Variants in EPS8 observed in about 807,000 individuals in gnomAD.
The protein encoded by EPS8 is EGFR pathway substrate 8, signaling adaptor.
In EPS8, 42 loss-of-function variants were observed where a neutral mutation model predicts 103.8. That is an observed-to-expected ratio of 0.40 (90% CI 0.32 to 0.52). The LOEUF (loss-of-function observed/expected upper bound fraction) is 0.52, where lower values mean the gene tolerates loss of function less well. Among genes scored for constraint, EPS8 ranks in the 20% least tolerant of loss-of-function variants. EPS8 has a pLI of 0.40. For missense variants in EPS8, 969 were observed against 1,005.1 expected, an observed-to-expected ratio of 0.96 and a Z score of 0.49; for synonymous variants, 344 against 344.6, an observed-to-expected ratio of 1.00 and a Z score of 0.02.
rs972269990 is a variant in EPS8 at position 15,728,722 on chromosome 12, A to G, written c.-21-45750T>C. On this transcript the variant is annotated intron_variant, in intron 1 of 20. Coordinates refer to ENST00000281172, the MANE Select transcript of EPS8 (RefSeq NM_004447.6). The surrounding 1 kb of genome is among the most constrained non-coding windows in gnomAD (Gnocchi z 4.5). Reference sequence around the variant, plus strand: ...CAACACTCCATTCCTGAGACTTTCAATAAGTTTAAACTGAAAATGTTTGTT... The same window carrying G: ...CAACACTCCATTCCTGAGACTTTCAGTAAGTTTAAACTGAAAATGTTTGTT... 1.3e-4 allele frequency among the ~76,000 whole-genome samples: 20 copies of G among 152,202 alleles called. No individual in the cohort carries two copies. The highest frequency in any genetic ancestry group is 4.6e-4 in the African/African-American group (19 of 41,458).
intron 8 of EPS8, chr12:15,662,628 T>C: frequency 1.0e-6 from 1 of 985,290 alleles, no homozygotes; most frequent in Non-Finnish European, 1.2e-6. Flanking sequence ...TTAAGCTACA[T>C]GCTTTAAAAG....
chr12:15,675,811 T>C lies in EPS8; in HGVS notation c.137-4888A>G, dbSNP rs142509294. Among the ~76,000 whole-genome samples the C allele has an allele frequency of 1.9e-4, 29 of 152,364 alleles. No individual in the cohort carries two copies. The East Asian group carries it at 5.6e-3, about 29-fold the overall frequency. On this transcript the variant is annotated intron_variant, in intron 3 of 20. Transcript: ENST00000281172. Reference sequence around the variant, plus strand: ...TTTATGAAATGATCACATTCCAAATTAAGCAATATCTAATTTAAAGAGAAG... The same window carrying C: ...TTTATGAAATGATCACATTCCAAATCAAGCAATATCTAATTTAAAGAGAAG...
At position 15,665,818 on chromosome 12, in the gene EPS8, G is replaced by A. The variant is rs1169156719; in HGVS notation, c.674C>T (p.Thr225Ile). 1 of 1,613,798 alleles carries A rather than the reference G, an allele frequency of 6.2e-7. No homozygotes were observed. Among genetic ancestry groups the A allele is most frequent in the Non-Finnish European group, 8.5e-7 (1 of 1,179,948 alleles). ...APAPAPPGTV[T>I]QVDVRSRVAA... ...CACTCGACTTCTAACATCCACCTGG[G>A]TGACGGTCCCAGGGGGCGCAGGGGC... The change falls in exon 8 of 21, where the codon ACC becomes ATC. Residue 225 changes from threonine (T) to isoleucine (I), a missense_variant. Coordinates refer to ENST00000281172, the MANE Select transcript of EPS8 (RefSeq NM_004447.6).
Position 15,762,970 on chromosome 12 carries a change from G to A in EPS8, c.-22+26191C>T, listed in dbSNP as rs1366374225. Among the ~76,000 whole-genome samples, 1 of 152,128 alleles carries A rather than the reference G, an allele frequency of 6.6e-6. No homozygotes were observed. The highest frequency in any genetic ancestry group is 2.4e-5 in the African/African-American group (1 of 41,434). On this transcript the variant is annotated intron_variant, in intron 1 of 20. Coordinates refer to ENST00000281172, the MANE Select transcript of EPS8 (RefSeq NM_004447.6). This position sits in a 1 kb window ranked among gnomAD's most constrained non-coding sequence, Gnocchi z 4.8. ...TTTGTAACACAAAGGGTAAATGCTT[G>A]AGGAATAGATAGCCCATTTTCCATG...
rs997905351 is a variant in EPS8 at position 15,717,535 on chromosome 12, C to T, written c.-21-34563G>A. Among the ~76,000 whole-genome samples the T allele has an allele frequency of 1.9e-4, 29 of 151,810 alleles. No individual in the cohort carries two copies. Among genetic ancestry groups the T allele is most frequent in the African/African-American group, 4.8e-5 (2 of 41,268 alleles). Reference sequence around the variant, plus strand: ...CCCGGAGGCAGAGGTTGCAGTCAGCCGAGATCGTGCCATTGCACTCCAGCC... The same window carrying T: ...CCCGGAGGCAGAGGTTGCAGTCAGCTGAGATCGTGCCATTGCACTCCAGCC... On this transcript the variant is annotated intron_variant, in intron 1 of 20. Transcript: ENST00000281172. The surrounding 1 kb of genome is among the most constrained non-coding windows in gnomAD (Gnocchi z 4.3).
rs900064940 is a variant in EPS8, at chr12:15,761,686, A to G, written c.-22+27475T>C. Reference sequence around the variant, plus strand: ...GGTGCCAAGAACATACACTGGGGAAAAGACAGACTCTTCAATAAATGGCGC... The same window carrying G: ...GGTGCCAAGAACATACACTGGGGAAGAGACAGACTCTTCAATAAATGGCGC... On this transcript the variant is annotated intron_variant, in intron 1 of 20. Transcript: ENST00000281172. This position sits in a 1 kb window ranked among gnomAD's most constrained non-coding sequence, Gnocchi z 4.5. Among the ~76,000 whole-genome samples, 1 of 152,164 alleles carries G rather than the reference A, an allele frequency of 6.6e-6. No homozygotes were observed. The highest frequency in any genetic ancestry group is 2.4e-5 in the African/African-American group (1 of 41,452).
At chr12:15,774,889 C>T (rs1947192698) in intron 1 of EPS8, among the ~76,000 whole-genome samples, 1 of 151,722 alleles carries the variant, frequency 6.6e-6, no homozygotes. Context: ...TCCATGCATG[C>T]TTAGTATTTA....
At chr12:15,628,206 T>C (rs1944982799) in intron 18 of EPS8, among the ~76,000 whole-genome samples, 1 of 152,050 alleles carries the variant, frequency 6.6e-6, no homozygotes, top group Non-Finnish European at 1.5e-5. Context: ...AAAAAATCAC[T>C]ACAACAAACT....
chr12:15,667,143 A>G (rs1338421015), intron 6 of EPS8, among the ~76,000 whole-genome samples: 4 of 152,190 alleles, frequency 2.6e-5, no homozygotes. Context: ...GTTTGGTTGC[A>G]AAGTTTGTTT....
chr12:15,766,284 C>T (rs1277349648), intron 1 of EPS8, among the ~76,000 whole-genome samples: 1 of 150,890 alleles, frequency 6.6e-6, no homozygotes, highest in Non-Finnish European at 1.5e-5. Context: ...TTCAGACCAT[C>T]CTGGCCAACA....
Position 15,731,497 on chromosome 12 carries a change from C to T in EPS8, c.-21-48525G>A, listed in dbSNP as rs1005198710. On this transcript the variant is annotated intron_variant, in intron 1 of 20. Coordinates refer to ENST00000281172, the MANE Select transcript of EPS8 (RefSeq NM_004447.6). The surrounding 1 kb of genome is among the most constrained non-coding windows in gnomAD (Gnocchi z 5.1). ...ATTTTTAGTAGAAACGGGGTTTCACCGTGTAGGCCAGGCTGGTCTCGAACT... is the reference window on the plus strand; with the variant it reads ...ATTTTTAGTAGAAACGGGGTTTCACTGTGTAGGCCAGGCTGGTCTCGAACT... 9.9e-5 allele frequency among the ~76,000 whole-genome samples: 15 copies of T among 152,030 alleles called. No homozygotes were observed. Among genetic ancestry groups the T allele is most frequent in the African/African-American group, 2.7e-4 (11 of 41,404 alleles).
In EPS8 at chr12:15,647,192, T is replaced by C. The variant is rs1454737850; in HGVS notation, c.1503A>G (p.Gly501=). 2.5e-6 allele frequency: 4 copies of C among 1,613,880 alleles called. No homozygotes were observed. The African/African-American group carries it at 4.0e-5, about 16-fold the overall frequency. Reference sequence around the variant, plus strand: ...CAGCTTCCCCTTGGTCCAGGTGGGATCCTCTTGTGTAAATGTTGCTACTGA... The same window carrying C: ...CAGCTTCCCCTTGGTCCAGGTGGGACCCTCTTGTGTAAATGTTGCTACTGA... ...YAFSSNIYTR[G]SHLDQGEAAV... The change falls in exon 15 of 21, where the codon GGA becomes GGG. Residue 501 remains glycine, a synonymous_variant. Transcript: ENST00000281172.
intron 18 of EPS8, 21 bp from the exon 19 acceptor site, chr12:15,624,428 G>A: frequency 3.3e-6 from 5 of 1,520,728 alleles, no homozygotes; most frequent in Non-Finnish European, 3.5e-6. Flanking sequence ...ACAGGGAGTA[G>A]GTTCTTTTTG....
rs1947071352 is a variant in EPS8 at position 15,764,303 on chromosome 12, A to T, written c.-22+24858T>A. Among the ~76,000 whole-genome samples the T allele has an allele frequency of 6.6e-6, 1 of 152,232 alleles. No individual in the cohort carries two copies. Among genetic ancestry groups the T allele is most frequent in the Non-Finnish European group, 1.5e-5 (1 of 68,038 alleles). On this transcript the variant is annotated intron_variant, in intron 1 of 20. Coordinates refer to ENST00000281172, the MANE Select transcript of EPS8 (RefSeq NM_004447.6). This position sits in a 1 kb window ranked among gnomAD's most constrained non-coding sequence, Gnocchi z 4.1. Reference sequence around the variant, plus strand: ...GTCCCTCTCATGACACATGGGAATTATGCAAGCTACAATTCAAGATGAGCT... The same window carrying T: ...GTCCCTCTCATGACACATGGGAATTTTGCAAGCTACAATTCAAGATGAGCT...
rs780273177 is a variant in EPS8, at chr12:15,621,312, A to C, written c.*5T>G. The C allele has an allele frequency of 1.3e-6, 2 of 1,516,916 alleles. No homozygotes were observed. Among genetic ancestry groups the C allele is most frequent in the South Asian group, 2.4e-5 (2 of 82,460 alleles). The allele number at this position is 1,516,916 out of a possible 1,614,324, so 94.0% of individuals were successfully genotyped here. On this transcript the variant is annotated 3_prime_UTR_variant, in exon 21 of 21. Coordinates refer to ENST00000281172, the MANE Select transcript of EPS8 (RefSeq NM_004447.6). ...AACAATGGAGTTTAAATACAAACAA[A>C]CAAATTAGTGACTGCTTCCTTCATC...
chr12:15,644,012 T>C (rs768460902), intron 15 of EPS8, among the ~76,000 whole-genome samples: 4 of 152,268 alleles, frequency 2.6e-5, no homozygotes, highest in Non-Finnish European at 5.9e-5. Context: ...ATACTTCGTA[T>C]GGCATTGTTA....
Position 15,717,139 on chromosome 12 carries a change from T to C in EPS8, c.-21-34167A>G, listed in dbSNP as rs1591890959. 1.3e-5 allele frequency among the ~76,000 whole-genome samples: 2 copies of C among 152,218 alleles called. No homozygotes were observed. Among genetic ancestry groups the C allele is most frequent in the South Asian group, 2.1e-4 (1 of 4,832 alleles). Reference sequence around the variant, plus strand: ...GGGACAGGAGATGCAATATGACTTATCTTTGGGAGAATCATATCTAACTAC... The same window carrying C: ...GGGACAGGAGATGCAATATGACTTACCTTTGGGAGAATCATATCTAACTAC... On this transcript the variant is annotated intron_variant, in intron 1 of 20. Coordinates refer to ENST00000281172, the MANE Select transcript of EPS8 (RefSeq NM_004447.6). This position sits in a 1 kb window ranked among gnomAD's most constrained non-coding sequence, Gnocchi z 4.3.
rs1288062399 is a variant in EPS8, at chr12:15,700,291, T to C, written c.-21-17319A>G. On this transcript the variant is annotated intron_variant, in intron 1 of 20. Transcript: ENST00000281172. This position sits in a 1 kb window ranked among gnomAD's most constrained non-coding sequence, Gnocchi z 5.1. ...AGAACCACTCTAACGTATTCTTTTC[T>C]ATCTTCTAAACAATTCTGAGGTGTG... 6.6e-6 allele frequency among the ~76,000 whole-genome samples: 1 copy of C among 152,246 alleles called. No homozygotes were observed. Among genetic ancestry groups the C allele is most frequent in the Non-Finnish European group, 1.5e-5 (1 of 68,038 alleles).
intron 18 of EPS8, among the ~76,000 whole-genome samples, chr12:15,627,492 T>C (rs1944969638): frequency 6.6e-6 from 1 of 152,102 alleles, no homozygotes; most frequent in African/African-American, 2.4e-5. Context: ...TTGAGAATCA[T>C]CATGTACAAA....
Sources: allele counts gnomAD v4.1 joint callset (sites outside exome capture counted in the v4.1 genomes callset), GRCh38; gene constraint gnomAD v4.1.1; non-coding constraint Gnocchi (gnomAD v3.1); transcripts MANE v1.5; gene names NCBI Gene and HGNC (gene_info 2026-07-23, HGNC 2026-07-21).